GDA: variants seen among roughly 807,000 people sequenced by gnomAD.
GDA encodes guanine deaminase.
Under a neutral mutation model 59.6 loss-of-function variants are expected in GDA, and 18 were observed. The ratio of observed to expected loss-of-function variants is 0.30; its 90% CI spans 0.21 to 0.45. The LOEUF is 0.45. Among genes scored for constraint, GDA ranks in the 20% least tolerant of loss-of-function variants. The pLI is 1.00. For missense variants in GDA, 427 were observed against 552.3 expected (o/e 0.77, Z 2.27); for synonymous variants, 201 against 201.1 (o/e 1.00, Z 0.00).
At chr9:72,160,369 G>A (rs976404211) in intron 1 of GDA, among the ~76,000 whole-genome samples, 1 of 152,098 alleles carries the variant, frequency 6.6e-6, no homozygotes, top group Non-Finnish European at 1.5e-5. Context: ...GAAACTCATT[G>A]CCCATTAAGC....
At chr9:72,258,985 G>GAGGAGC (rs1840912775), downstream of GDA, among the ~76,000 whole-genome samples, 2 of 151,864 alleles carry the variant, frequency 1.3e-5, no homozygotes. Flanking sequence ...GCTGCAATCA[G>GAGGAGC]CATTTTCCAC....
chr9:72,163,161 C>T (rs1828864117), intron 1 of GDA, among the ~76,000 whole-genome samples: 1 of 151,956 alleles, frequency 6.6e-6, no homozygotes, highest in South Asian at 2.1e-4. Flanking sequence ...GATTTGATGA[C>T]AAAAATGGGT....
downstream of GDA, chr9:72,257,881 G>A (rs935391330): frequency 3.3e-5 from 5 of 150,348 alleles, no homozygotes; most frequent in Admixed American, 6.6e-5. Flanking sequence ...GCATTGAGCC[G>A]AGATTACACC....
chr9:72,198,160 C>T (rs1204700120), intron 2 of GDA, among the ~76,000 whole-genome samples: 2 of 152,070 alleles, frequency 1.3e-5, no homozygotes, highest in Admixed American at 1.3e-4. Flanking sequence ...TTTGGGAGGC[C>T]GAGGCAGGCG....
chr9:72,222,715 T>G (rs539827139), intron 6 of GDA, among the ~76,000 whole-genome samples: 6 of 151,048 alleles, frequency 4.0e-5, no homozygotes, highest in South Asian at 2.1e-4. Flanking sequence ...TGGTTTTTTG[T>G]TTTTTTTTGA....
downstream of GDA, among the ~76,000 whole-genome samples, chr9:72,259,475 T>C (rs1840917841): frequency 6.6e-6 from 1 of 152,234 alleles, no homozygotes; most frequent in Admixed American, 6.5e-5. Flanking sequence ...TTGTGGTTAG[T>C]TGTGGCCCAC....
intron 9 of GDA, chr9:72,228,340 A>G (rs1837868142): frequency 6.5e-6 from 2 of 306,816 alleles, no homozygotes; most frequent in South Asian, 7.3e-5. Context: ...GAAAGAACCC[A>G]TATGTCAGCC....
intron 1 of GDA, among the ~76,000 whole-genome samples, chr9:72,126,566 C>CTTTTTTTTTT (rs72370881): frequency 7.5e-6 from 1 of 133,674 alleles, no homozygotes; most frequent in African/African-American, 2.9e-5. Context: ...CCTGGTTAGT[C>CTTTTTTTTTT]TTTTTTTTTT....
In GDA at chr9:72,200,989, C is replaced by G. The variant is rs115929683; in HGVS notation, c.213-1582C>G. Among the ~76,000 whole-genome samples, 876 of 151,852 alleles carry G rather than the reference C, an allele frequency of 5.8e-3. 8 individuals carry two copies. The highest frequency in any genetic ancestry group is 0.021 in the African/African-American group (849 of 41,376). ...ATAAATTCCCTGAGCTTTAGCTTAC[C>G]CTTATGTAAAGGAGGGTAACAGTAC... On this transcript the variant is annotated intron_variant, in intron 2 of 13. Transcript: ENST00000358399.
At chr9:72,185,084 A>G (rs542253272) in intron 1 of GDA, among the ~76,000 whole-genome samples, 67 of 152,370 alleles carry the variant, frequency 4.4e-4, no homozygotes, top group Non-Finnish European at 7.9e-4. Context: ...ATATTGGAAT[A>G]TAGCCATAGC....
At chr9:72,226,877 G>T (rs1435046080) in intron 8 of GDA, among the ~76,000 whole-genome samples, 1 of 152,094 alleles carries the variant, frequency 6.6e-6, no homozygotes, top group Non-Finnish European at 1.5e-5. Context: ...CAGCACTTTG[G>T]GAGGCAGAGG....
Position 72,223,142 on chromosome 9 carries a change from T to A in GDA, c.629T>A (p.Val210Glu). Residue 210 changes from valine (V) to glutamate (E), a missense_variant, in exon 7 of 14, where the codon GTG (valine) becomes GAG (glutamate). Coordinates refer to ENST00000358399, the MANE Select transcript of GDA (RefSeq NM_004293.5). ...QKNYSRVKPI[V>E]TPRFSLSCSE... ...CAGTATTCTAGAGTGAAGCCCATAG[T>A]GACACCACGTTTTTCCCTCTCCTGC... 6.2e-7 allele frequency: 1 copy of A among 1,603,990 alleles called. No homozygotes were observed.
In GDA at chr9:72,249,189, G is replaced by A; in HGVS notation, c.*847G>A. 1.0e-6 allele frequency: 1 copy of A among 981,126 alleles called. No individual in the cohort carries two copies. The highest frequency in any genetic ancestry group is 1.2e-6 in the Non-Finnish European group (1 of 825,996). 60.8% of individuals were successfully genotyped at this position (981,126 alleles called of 1,614,324 possible). Reference sequence around the variant, plus strand: ...TTATTAGAAGAGAAACAAATTCCATGCTTTATGGAATTTATGTAGACTGGA... The same window carrying A: ...TTATTAGAAGAGAAACAAATTCCATACTTTATGGAATTTATGTAGACTGGA... On this transcript the variant is annotated 3_prime_UTR_variant, in exon 14 of 14. Coordinates refer to ENST00000358399, the MANE Select transcript of GDA (RefSeq NM_004293.5).
In GDA at chr9:72,189,018, C is replaced by A. The variant is rs142166862; in HGVS notation, c.124-6482C>A. 2.6e-5 allele frequency among the ~76,000 whole-genome samples: 4 copies of A among 152,104 alleles called. No homozygotes were observed. In the South Asian group the frequency reaches 8.3e-4, roughly 32 times the overall value. On this transcript the variant is annotated intron_variant, in intron 1 of 13. Transcript: ENST00000358399. ...TTTTGCCTATTTTTCCCTTTTGGTC[C>A]AGGACTGTCAATCCTATGCTTGCCC...
intron 1 of GDA, among the ~76,000 whole-genome samples, chr9:72,132,309 T>C (rs1266153934): frequency 6.6e-6 from 1 of 152,016 alleles, no homozygotes; most frequent in African/African-American, 2.4e-5. Flanking sequence ...ACAAGAAAGT[T>C]TGAATACAAA....
At chr9:72,136,842 G>A (rs1826242022) in intron 1 of GDA, among the ~76,000 whole-genome samples, 1 of 152,062 alleles carries the variant, frequency 6.6e-6, no homozygotes, top group African/African-American at 2.4e-5. Context: ...GGGCATGGTG[G>A]CAGGTGCCTG....
At chr9:72,118,637 A>G (rs929762902) in intron 1 of GDA, among the ~76,000 whole-genome samples, 1 of 152,240 alleles carries the variant, frequency 6.6e-6, no homozygotes, top group Non-Finnish European at 1.5e-5. Flanking sequence ...AGCAGTATAA[A>G]TACATGAAAA....
At chr9:72,119,675 A>G (rs1156283810) in intron 1 of GDA, among the ~76,000 whole-genome samples, 4 of 152,346 alleles carry the variant, frequency 2.6e-5, no homozygotes, top group Admixed American at 6.5e-5. Flanking sequence ...GGGATAAGAA[A>G]GAGAATAAAT....
In GDA at chr9:72,210,271, C is replaced by T. The variant is rs535791718; in HGVS notation, c.385-416C>T. On this transcript the variant is annotated intron_variant, in intron 3 of 13. Coordinates refer to ENST00000358399, the MANE Select transcript of GDA (RefSeq NM_004293.5). ...TTACTGTCATGTTTGTTGTAGTTTG[C>T]GAAGGAAAGGAGATAGATATATGTG... 1.3e-4 allele frequency among the ~76,000 whole-genome samples: 20 copies of T among 152,108 alleles called. 1 individual carries two copies. The East Asian group carries it at 3.7e-3, about 28-fold the overall frequency.
Sources: allele counts gnomAD v4.1 joint callset (sites outside exome capture counted in the v4.1 genomes callset), GRCh38; gene constraint gnomAD v4.1.1; transcripts MANE v1.5; gene names NCBI Gene and HGNC (gene_info 2026-07-23, HGNC 2026-07-21).